HADH: variants seen among roughly 807,000 people sequenced by gnomAD.
HADH encodes the protein hydroxyacyl-coenzyme A dehydrogenase, mitochondrial.
A neutral mutation model predicts 32.2 loss-of-function variants in HADH; 24 were observed. The observed-to-expected ratio is 0.75, with a 90% CI of 0.54 to 1.05. HADH has a LOEUF of 1.05. HADH is among the 50% of genes least tolerant of loss of function. The pLI, the probability that HADH is intolerant of heterozygous loss-of-function variation, is 0.00. For synonymous variants in HADH, 139 were observed against 152.5 expected (o/e 0.91, Z 0.65); for missense variants, 350 against 397.1 (o/e 0.88, Z 1.01).
intron 6 of HADH, chr4:108,030,633 T>A (rs942078761): frequency 1.3e-5 from 2 of 152,242 alleles, no homozygotes; most frequent in Admixed American, 6.5e-5. Context: ...TCCTTTGCTG[T>A]CTTGTCTGGA....
intron 5 of HADH, chr4:108,025,127 G>A (rs1736017695): frequency 1.3e-5 from 2 of 152,208 alleles, no homozygotes; most frequent in African/African-American, 4.8e-5. Context: ...CATGAAAACA[G>A]CCATAGACAG....
rs60633286 is a variant in HADH, at chr4:108,022,167, A to ATG, written c.547-1287_547-1286dup. Among the ~76,000 whole-genome samples the ATG allele has an allele frequency of 2.1e-3, 257 of 125,034 alleles. 2 individuals carry two copies. Among genetic ancestry groups the ATG allele is most frequent in the African/African-American group, 6.9e-3 (242 of 35,162 alleles). The allele number at this position is 125,034 out of a possible 152,430, so 82.0% of individuals were successfully genotyped here. ...TGGCCTTTACATTTTACATATATAT[A>ATG]TGTGTGTGTGTGTGTGTGTGTATGT... On this transcript the variant is annotated intron_variant, in intron 4 of 7. Transcript: ENST00000309522.
chr4:107,995,377 G>A (rs1195389765), intron 1 of HADH, among the ~76,000 whole-genome samples: 1 of 152,146 alleles, frequency 6.6e-6, no homozygotes, highest in Non-Finnish European at 1.5e-5. Context: ...TAGCATTAGT[G>A]TGTTTGATAG....
intron 2 of HADH, among the ~76,000 whole-genome samples, chr4:108,012,881 A>G (rs1287902345): frequency 6.6e-6 from 1 of 152,232 alleles, no homozygotes; most frequent in African/African-American, 2.4e-5. Context: ...GTCTCTTTGA[A>G]GAGGAACTTC....
intron 3 of HADH, 24 bp downstream of exon 3, chr4:108,014,612 C>CTT: frequency 2.9e-5 from 37 of 1,269,998 alleles, no homozygotes; most frequent in Non-Finnish European, 3.7e-5. Context: ...GGACAATCTT[C>CTT]TTTTTTTTTT....
At chr4:108,024,757 CAA>C (rs1477402882) in intron 5 of HADH, 1 of 152,116 alleles carries the variant, frequency 6.6e-6, no homozygotes, top group Non-Finnish European at 1.5e-5. Flanking sequence ...CTGTGCAAGA[CAA>C]AAAGATATGG....
At chr4:108,031,672 A>G (rs1736268528) in intron 6 of HADH, 1 of 152,042 alleles carries the variant, frequency 6.6e-6, no homozygotes, top group African/African-American at 2.4e-5. Flanking sequence ...AAATCTCTCC[A>G]TCTTTACTCA....
chr4:108,033,245 A>C lies in HADH; in HGVS notation c.779A>C (p.Glu260Ala). 6.2e-7 allele frequency: 1 copy of C among 1,608,010 alleles called. No individual in the cohort carries two copies. The highest frequency in any genetic ancestry group is 8.5e-7 in the Non-Finnish European group (1 of 1,174,546). The change falls in exon 7 of 8, where the codon GAG becomes GCG. Residue 260 changes from glutamate (E) to alanine (A), a missense_variant. Coordinates refer to ENST00000309522, the MANE Select transcript of HADH (RefSeq NM_005327.7). ...GCCGGTTACCCCATGGGCCCATTTG[A>C]GCTTCTAGATTATGTCGGACTGGAT... ...LGAGYPMGPF[E>A]LLDYVGLDTT...
intron 1 of HADH, among the ~76,000 whole-genome samples, chr4:107,990,664 G>A (rs1175859863): frequency 6.6e-6 from 1 of 151,468 alleles, no homozygotes; most frequent in Non-Finnish European, 1.5e-5. Context: ...TGAGGTCCTG[G>A]TTTTGACCTT....
chr4:108,004,417 G>A (rs913504997), intron 1 of HADH: 1 of 331,444 alleles, frequency 3.0e-6, no homozygotes, highest in Non-Finnish European at 5.9e-6. Context: ...TCAAAAGGAA[G>A]CATTTTCTAA....
chr4:107,998,583 T>C (rs1168457077), intron 1 of HADH, among the ~76,000 whole-genome samples: 1 of 152,162 alleles, frequency 6.6e-6, no homozygotes, highest in African/African-American at 2.4e-5. Flanking sequence ...CGGCTGATTT[T>C]TAGGCTTAGT....
At chr4:107,996,614 C>T (rs1017801821) in intron 1 of HADH, among the ~76,000 whole-genome samples, 3 of 152,198 alleles carry the variant, frequency 2.0e-5, no homozygotes, top group Non-Finnish European at 4.4e-5. Context: ...AAAAACCAGT[C>T]CAGGCATGGT....
chr4:108,018,813 G>A (rs1251419505), intron 3 of HADH, among the ~76,000 whole-genome samples: 2 of 152,096 alleles, frequency 1.3e-5, no homozygotes, highest in African/African-American at 4.8e-5. Flanking sequence ...CCTGTTTAAA[G>A]CTTTTCCTCT....
chr4:107,990,050 G>T lies in HADH; in HGVS notation c.118G>T (p.Ala40Ser). 3 of 1,610,048 alleles carry T rather than the reference G, an allele frequency of 1.9e-6. No individual in the cohort carries two copies. The highest frequency in any genetic ancestry group is 2.5e-6 in the Non-Finnish European group (3 of 1,178,932). The change falls in exon 1 of 8, where the codon GCC becomes TCC. Residue 40 changes from alanine to serine, a missense_variant. Ala to Ser is a moderately conservative substitution (Grantham distance 99). Coordinates refer to ENST00000309522, the MANE Select transcript of HADH (RefSeq NM_005327.7). ...GGTCATCGGCGGCGGGCTGATGGGCGCCGGCATTGCCCAGGTGAGCGGCCC... is the reference window on the plus strand; with the variant it reads ...GGTCATCGGCGGCGGGCTGATGGGCTCCGGCATTGCCCAGGTGAGCGGCCC... ...VTVIGGGLMG[A>S]GIAQVAAATG... is the part of the protein sequence containing the mutation.
intron 4 of HADH, among the ~76,000 whole-genome samples, chr4:108,021,059 C>T (rs1312156757): frequency 6.6e-6 from 1 of 151,842 alleles, no homozygotes; most frequent in Non-Finnish European, 1.5e-5. Context: ...TCTCCTATCC[C>T]CTAAGGCTGA....
At chr4:108,020,842 G>A (rs995650588) in intron 4 of HADH, among the ~76,000 whole-genome samples, 5 of 152,130 alleles carry the variant, frequency 3.3e-5, no homozygotes, top group African/African-American at 4.8e-5. Context: ...AGTGTGTATC[G>A]TCTGTTTTCT....
chr4:108,022,796 T>C (rs191009499), intron 4 of HADH, among the ~76,000 whole-genome samples: 2 of 152,278 alleles, frequency 1.3e-5, no homozygotes, highest in Admixed American at 1.3e-4. Context: ...TCACCTCAAC[T>C]TCCTGAGGTG....
intron 1 of HADH, chr4:108,004,594 G>T: frequency 4.2e-6 from 6 of 1,413,590 alleles, no homozygotes; most frequent in Non-Finnish European, 5.6e-6. Context: ...ATCCAAACTT[G>T]AAGAACCCCA....
At chr4:107,991,943 A>G (rs2126216794) in intron 1 of HADH, among the ~76,000 whole-genome samples, 1 of 152,348 alleles carries the variant, frequency 6.6e-6, no homozygotes, top group East Asian at 1.9e-4. Flanking sequence ...AACTAAGTAG[A>G]AAGCGTCACT....
Sources: gnomAD v4.1 joint callset for allele counts (sites outside exome capture counted in the v4.1 genomes callset) on GRCh38, gnomAD v4.1.1 for gene constraint, MANE v1.5 for transcripts, NCBI Gene and HGNC (gene_info 2026-07-23, HGNC 2026-07-21) for gene names.